Variants in CHST12 observed in about 807,000 individuals in gnomAD.
CHST12 encodes the protein carbohydrate sulfotransferase 12, also known as carbohydrate (chondroitin 4) sulfotransferase 12.
Under a neutral mutation model 27.9 loss-of-function variants are expected in CHST12, and 23 were observed. The observed-to-expected ratio is 0.82, with a 90% CI of 0.59 to 1.17. CHST12 has a LOEUF of 1.17. Ranked by LOEUF, CHST12 falls within the 50% of genes most tolerant of loss-of-function variation. The pLI is 0.00. For missense variants in CHST12, 682 were observed against 603.0 expected, an observed-to-expected ratio of 1.13 and a Z score of -1.37; for synonymous variants, 322 against 273.0, an observed-to-expected ratio of 1.18 and a Z score of -1.77.
chr7:2,425,507 C>T (rs986281839), intron 1 of CHST12, among the ~76,000 whole-genome samples: 5 of 152,270 alleles, frequency 3.3e-5, no homozygotes, highest in East Asian at 3.9e-4. Context: ...TGGCCTCTGA[C>T]GGAGATGAGT....
chr7:2,431,680 C>T (rs1260319179), intron 1 of CHST12, among the ~76,000 whole-genome samples: 1 of 152,224 alleles, frequency 6.6e-6, no homozygotes, highest in Non-Finnish European at 1.5e-5. Context: ...ACCAACACCC[C>T]CTGGTGCCTG....
chr7:2,441,749 T>G lies in CHST12; in HGVS notation c.*7865T>G, dbSNP rs1562525229. Reference sequence around the variant, plus strand: ...TTTATCATTAGAAGGCCATCCTGTTTAGAAGAGTGGGTTTCTCATAAGAAA... The same window carrying G: ...TTTATCATTAGAAGGCCATCCTGTTGAGAAGAGTGGGTTTCTCATAAGAAA... On this transcript the variant is annotated 3_prime_UTR_variant, in exon 2 of 2. Coordinates refer to ENST00000618655, the MANE Select transcript of CHST12 (RefSeq NM_018641.5). 6.6e-6 allele frequency: 1 copy of G among 151,726 alleles called. No individual in the cohort carries two copies. Among genetic ancestry groups the G allele is most frequent in the Non-Finnish European group, 1.5e-5 (1 of 67,988 alleles). The allele number at this position is 151,726 out of a possible 1,614,324, so 9.4% of individuals were successfully genotyped here. A position where few individuals can be genotyped will look rare whatever the true frequency, so the allele number is the denominator to read the frequency against.
Position 2,437,728 on chromosome 7 carries a change from G to GCGCACACACACA in CHST12, c.*3847_*3848insACACACACACGC, listed in dbSNP as rs1380975516. 2.1e-5 allele frequency: 1 copy of GCGCACACACACA among 48,316 alleles called. No homozygotes were observed. Among genetic ancestry groups the GCGCACACACACA allele is most frequent in the Non-Finnish European group, 3.5e-5 (1 of 28,704 alleles). 3.0% of individuals were successfully genotyped at this position (48,316 alleles called of 1,614,324 possible). On this transcript the variant is annotated 3_prime_UTR_variant, in exon 2 of 2. Transcript: ENST00000618655. ...TAGGAATCAGAACACACACACACAC[G>GCGCACACACACA]CGCGCACACACACACACACACACAC...
chr7:2,406,052 AG>A (rs959085890), intron 1 of CHST12, among the ~76,000 whole-genome samples: 38 of 152,264 alleles, frequency 2.5e-4, no homozygotes, highest in African/African-American at 8.9e-4. Context: ...AGGAGCCATC[AG>A]TGGGAAAAGA....
At position 2,446,957 on chromosome 7, in the gene CHST12, A is replaced by G. The variant is rs2906174; in HGVS notation, c.*13073A>G. 150,433 of 152,402 alleles carry G rather than the reference A, an allele frequency of 0.99. 74,256 individuals carry two copies. Among genetic ancestry groups the G allele is most frequent in the East Asian group, 1 (5,176 of 5,176 alleles). The allele number at this position is 152,402 out of a possible 1,614,324, so 9.4% of individuals were successfully genotyped here. On this transcript the variant is annotated 3_prime_UTR_variant, in exon 2 of 2. Coordinates refer to ENST00000618655, the MANE Select transcript of CHST12 (RefSeq NM_018641.5). Reference sequence around the variant, plus strand: ...AGACAGAGCCTCGAGTCATTCTGCCAAGAGGATCCAGAAACACAGACTTTT... The same window carrying G: ...AGACAGAGCCTCGAGTCATTCTGCCGAGAGGATCCAGAAACACAGACTTTT...
At chr7:2,414,782 G>A (rs1022536528) in intron 1 of CHST12, among the ~76,000 whole-genome samples, 2 of 152,154 alleles carry the variant, frequency 1.3e-5, no homozygotes, top group African/African-American at 4.8e-5. Context: ...ATGATCCATT[G>A]TGAGTTAATT....
intron 1 of CHST12, among the ~76,000 whole-genome samples, chr7:2,431,503 G>A (rs1236689240): frequency 6.6e-6 from 1 of 152,190 alleles, no homozygotes; most frequent in Non-Finnish European, 1.5e-5. Flanking sequence ...GAGTCAGAGT[G>A]TGGACTCTCC....
At chr7:2,414,114 C>G (rs1297503526) in intron 1 of CHST12, among the ~76,000 whole-genome samples, 1 of 150,872 alleles carries the variant, frequency 6.6e-6, no homozygotes, top group Non-Finnish European at 1.5e-5. Flanking sequence ...TGTATCTCTT[C>G]TTTTGTGAAA....
At chr7:2,406,026 G>A (rs1020797232) in intron 1 of CHST12, among the ~76,000 whole-genome samples, 7 of 152,194 alleles carry the variant, frequency 4.6e-5, no homozygotes, top group African/African-American at 1.7e-4. Context: ...CTCTTCTAGT[G>A]TGGGTCAGGG....
chr7:2,411,702 G>A (rs972577728), intron 1 of CHST12, among the ~76,000 whole-genome samples: 5 of 152,076 alleles, frequency 3.3e-5, no homozygotes, highest in African/African-American at 1.2e-4. Context: ...TGGCCAGGCT[G>A]GTCTCCTGAC....
rs555026507 is a variant in CHST12 at position 2,434,767 on chromosome 7, A to AAAAT, written c.*897_*900dup. ...GGGTGACAGAGTGAGATTCCATCTC[A>AAAAT]AAATAAATAAATAAATATTAATACA... On this transcript the variant is annotated 3_prime_UTR_variant, in exon 2 of 2. Transcript: ENST00000618655. 1.3e-5 allele frequency: 2 copies of AAAAT among 151,550 alleles called. No individual in the cohort carries two copies. Among genetic ancestry groups the AAAAT allele is most frequent in the Admixed American group, 6.6e-5 (1 of 15,156 alleles). The allele number at this position is 151,550 out of a possible 1,614,324, so 9.4% of individuals were successfully genotyped here.
chr7:2,418,795 T>C (rs114422400), intron 1 of CHST12, among the ~76,000 whole-genome samples: 1 of 93,652 alleles, frequency 1.1e-5, no homozygotes, highest in Non-Finnish European at 2.2e-5. Context: ...TCTGTTGCTG[T>C]TGTTGTTGTT....
At chr7:2,409,750 G>A (rs1348437867) in intron 1 of CHST12, among the ~76,000 whole-genome samples, 1 of 152,194 alleles carries the variant, frequency 6.6e-6, no homozygotes, top group Non-Finnish European at 1.5e-5. Context: ...GGATATGTAT[G>A]TGTGGCATTG....
chr7:2,422,330 C>T (rs1236793781), intron 1 of CHST12, among the ~76,000 whole-genome samples: 1 of 151,848 alleles, frequency 6.6e-6, no homozygotes, highest in Non-Finnish European at 1.5e-5. Context: ...CTGCAACCTC[C>T]GCCTCCCAGG....
Position 2,438,746 on chromosome 7 carries a change from C to G in CHST12, c.*4862C>G, listed in dbSNP as rs556766114. Reference sequence around the variant, plus strand: ...CATTCCTCCTCCTGGTCAGAGAGCCCGTCTCTTCCGCCCTCTCCCTTACCC... The same window carrying G: ...CATTCCTCCTCCTGGTCAGAGAGCCGGTCTCTTCCGCCCTCTCCCTTACCC... On this transcript the variant is annotated 3_prime_UTR_variant, in exon 2 of 2. Transcript: ENST00000618655. 2 of 152,360 alleles carry G rather than the reference C, an allele frequency of 1.3e-5. No individual in the cohort carries two copies. Among genetic ancestry groups the G allele is most frequent in the South Asian group, 4.1e-4 (2 of 4,828 alleles). 9.4% of individuals were successfully genotyped at this position (152,360 alleles called of 1,614,324 possible).
chr7:2,411,933 G>T (rs903594051), intron 1 of CHST12, among the ~76,000 whole-genome samples: 1 of 152,236 alleles, frequency 6.6e-6, no homozygotes, highest in African/African-American at 2.4e-5. Context: ...TTGAAACCCA[G>T]TTTGGGAATA....
rs201463941 is a variant in CHST12 at position 2,432,608 on chromosome 7, G to A, written c.-32G>A. The A allele has an allele frequency of 1.3e-6, 2 of 1,582,906 alleles. No individual in the cohort carries two copies. The highest frequency in any genetic ancestry group is 1.3e-5 in the African/African-American group (1 of 74,474). ...GCTCTGCAGGAAGCTGAAGTGAGAG[G>A]CCCGGAGAGGGCCCAGCCCGCCCGG... On this transcript the variant is annotated 5_prime_UTR_variant, in exon 2 of 2. Transcript: ENST00000618655.
In CHST12 at chr7:2,433,107, C is replaced by T. The variant is rs768577779; in HGVS notation, c.468C>T (p.His156=). The T allele has an allele frequency of 1.9e-6, 3 of 1,612,714 alleles. No homozygotes were observed. The highest frequency in any genetic ancestry group is 4.5e-5 in the East Asian group (2 of 44,854). The change falls in exon 2 of 2, where the codon CAC becomes CAT. Residue 156 remains histidine, a synonymous_variant. Coordinates refer to ENST00000618655, the MANE Select transcript of CHST12 (RefSeq NM_018641.5). This position sits in a 1 kb window ranked among gnomAD's most constrained non-coding sequence, Gnocchi z 6.1. ...FDDIPNSELS[H]LIVDDRHGAI... is the part of the protein sequence containing the mutation. ...ACATCCCCAACTCGGAGCTGAGCCA[C>T]CTGATCGTGGACGACCGGCACGGGG...
In CHST12 at chr7:2,439,305, C is replaced by G. The variant is rs1782545590; in HGVS notation, c.*5421C>G. 1 of 152,166 alleles carries G rather than the reference C, an allele frequency of 6.6e-6. No individual in the cohort carries two copies. Among genetic ancestry groups the G allele is most frequent in the African/African-American group, 2.4e-5 (1 of 41,444 alleles). The allele number at this position is 152,166 out of a possible 1,614,324, so 9.4% of individuals were successfully genotyped here. ...CATCATGAGATTTTAGAAACATGTTCTTACTCTGCCAGGACCCAGGGATAG... is the reference window on the plus strand; with the variant it reads ...CATCATGAGATTTTAGAAACATGTTGTTACTCTGCCAGGACCCAGGGATAG... On this transcript the variant is annotated 3_prime_UTR_variant, in exon 2 of 2. Transcript: ENST00000618655.
Sources: allele counts gnomAD v4.1 joint callset (sites outside exome capture counted in the v4.1 genomes callset), GRCh38; gene constraint gnomAD v4.1.1; non-coding constraint Gnocchi (gnomAD v3.1); transcripts MANE v1.5; gene names NCBI Gene and HGNC (gene_info 2026-07-23, HGNC 2026-07-21).